The following ATXN7L1 variants were observed in gnomAD, a reference collection of about 807,000 sequenced individuals.
The protein encoded by ATXN7L1 is ataxin 7 like 1.
A neutral mutation model predicts 70.8 loss-of-function variants in ATXN7L1; 15 were observed. That is an observed-to-expected ratio of 0.21 (90% CI 0.14 to 0.33). ATXN7L1 has a LOEUF of 0.33. Ranked by LOEUF, ATXN7L1 falls within the 10% of genes least tolerant of loss-of-function variation. The probability of loss-of-function intolerance (pLI) is 1.00; values close to 1 mark genes in which losing one functional copy is unlikely to be tolerated. For synonymous variants in ATXN7L1, 440 were observed against 445.1 expected (o/e 0.99, Z 0.14); for missense variants, 975 against 1,097.1 (o/e 0.89, Z 1.57).
chr7:105,825,097 C>T (rs1035993117), intron 2 of ATXN7L1, among the ~76,000 whole-genome samples: 12 of 152,132 alleles, frequency 7.9e-5, no homozygotes, highest in African/African-American at 2.2e-4. Context: ...GAGGACAATA[C>T]GAAAATGTCT....
chr7:105,692,645 C>T (rs911877703), intron 3 of ATXN7L1, among the ~76,000 whole-genome samples: 4 of 152,038 alleles, frequency 2.6e-5, no homozygotes, highest in East Asian at 1.9e-4. Context: ...TGGAGTTTTG[C>T]CATGTTGGCC....
At chr7:105,782,724 A>G (rs1803713336) in intron 3 of ATXN7L1, among the ~76,000 whole-genome samples, 1 of 152,252 alleles carries the variant, frequency 6.6e-6, no homozygotes, top group South Asian at 2.1e-4. Context: ...GAGCTGCCAT[A>G]GGGGCCTAAT....
chr7:105,785,589 G>A (rs1238586260), intron 3 of ATXN7L1, among the ~76,000 whole-genome samples: 19 of 95,594 alleles, frequency 2.0e-4, no homozygotes, highest in Non-Finnish European at 5.8e-5. Flanking sequence ...GTGCTACAAG[G>A]AAAGAGAAAA....
chr7:105,724,335 A>T (rs918337515), intron 3 of ATXN7L1, among the ~76,000 whole-genome samples: 2 of 152,156 alleles, frequency 1.3e-5, no homozygotes, highest in Admixed American at 6.5e-5. Flanking sequence ...GCACTTTGGG[A>T]GGCCAAGGCA....
intron 3 of ATXN7L1, among the ~76,000 whole-genome samples, chr7:105,731,381 A>G (rs1279807463): frequency 6.6e-6 from 1 of 152,082 alleles, no homozygotes; most frequent in Non-Finnish European, 1.5e-5. Context: ...CTTAAAAAAT[A>G]AAGTCTCTTT....
chr7:105,839,876 T>C (rs1812946645), intron 2 of ATXN7L1, among the ~76,000 whole-genome samples: 1 of 152,144 alleles, frequency 6.6e-6, no homozygotes, highest in Non-Finnish European at 1.5e-5. Flanking sequence ...TAATACAATA[T>C]TATTATATGC....
intron 3 of ATXN7L1, among the ~76,000 whole-genome samples, chr7:105,685,795 C>A (rs1273874078): frequency 2.6e-5 from 4 of 152,196 alleles, no homozygotes; most frequent in African/African-American, 9.7e-5. Context: ...AGGCTTTAGG[C>A]TCTGACATTC....
rs1312557744 is a variant in ATXN7L1 at position 105,614,441 on chromosome 7, G to A, written c.1893C>T (p.Asp631=). 6.5e-7 allele frequency: 1 copy of A among 1,545,518 alleles called. No individual in the cohort carries two copies. Among genetic ancestry groups the A allele is most frequent in the Non-Finnish European group, 8.7e-7 (1 of 1,143,350 alleles). Residue 631 remains aspartate, a synonymous_variant, in exon 10 of 12, where the codon GAC becomes GAT. Transcript: ENST00000419735. This position sits in a 1 kb window ranked among gnomAD's most constrained non-coding sequence, Gnocchi z 4.3. ...TKTSKSSKVK[D]LSTRSDESPS... ...GAGACTCGTCGCTACGGGTGGACAG[G>A]TCTTTGACTTTTGAGGATTTGCTGG... is the stretch of plus-strand genomic sequence containing the variant.
At chr7:105,760,539 T>C in intron 3 of ATXN7L1, 1 of 985,880 alleles carries the variant, frequency 1.0e-6, no homozygotes, top group Non-Finnish European at 1.2e-6. Flanking sequence ...AATGTCACGC[T>C]CCAGCTATCA....
chr7:105,790,674 A>ATCTATCTATCTATCTAT (rs1554464837), intron 2 of ATXN7L1, among the ~76,000 whole-genome samples: 4 of 113,232 alleles, frequency 3.5e-5, no homozygotes, highest in African/African-American at 1.4e-4. Flanking sequence ...CTATCTATCT[A>ATCTATCTATCTATCTAT]CTATCTATCT....
intron 3 of ATXN7L1, among the ~76,000 whole-genome samples, chr7:105,708,255 G>A (rs571047764): frequency 5.9e-5 from 9 of 152,216 alleles, no homozygotes; most frequent in African/African-American, 1.9e-4. Context: ...CTAACCTCTC[G>A]GGCCTCAGTG....
At chr7:105,794,155 G>A (rs1563098709) in intron 2 of ATXN7L1, among the ~76,000 whole-genome samples, 1 of 152,120 alleles carries the variant, frequency 6.6e-6, no homozygotes, top group Non-Finnish European at 1.5e-5. Flanking sequence ...ACTGTTCAAT[G>A]GGTTACAACT....
intron 3 of ATXN7L1, among the ~76,000 whole-genome samples, chr7:105,685,331 AAAG>A (rs2116174153): frequency 6.6e-6 from 1 of 152,342 alleles, no homozygotes; most frequent in East Asian, 1.9e-4. Context: ...TGCAAACATA[AAAG>A]AATAGTATGC....
At chr7:105,700,280 C>T (rs1040116282) in intron 3 of ATXN7L1, among the ~76,000 whole-genome samples, 3 of 152,118 alleles carry the variant, frequency 2.0e-5, no homozygotes, top group African/African-American at 2.4e-5. Context: ...CCAAGGCAGG[C>T]GGATCACCTG....
chr7:105,731,586 C>A (rs1371444211), intron 3 of ATXN7L1, among the ~76,000 whole-genome samples: 1 of 151,426 alleles, frequency 6.6e-6, no homozygotes, highest in Non-Finnish European at 1.5e-5. Context: ...ATGCACCCAC[C>A]ACCACGCCCG....
chr7:105,859,782 CTTTT>C lies in ATXN7L1; in HGVS notation c.250+16026_250+16029del, dbSNP rs34111825. Among the ~76,000 whole-genome samples the C allele has an allele frequency of 1.2e-4, 11 of 94,118 alleles. No homozygotes were observed. In the South Asian group the frequency reaches 2.8e-3, roughly 24 times the overall value. 61.7% of individuals were successfully genotyped at this position (94,118 alleles called of 152,430 possible). Reference sequence around the variant, plus strand: ...ACTGTATATTTCTTTTTCTTTCTTTCTTTTTTTTTTTTTTTTTTGAGACAGAGTC... The same window carrying C: ...ACTGTATATTTCTTTTTCTTTCTTTCTTTTTTTTTTTTTTGAGACAGAGTC... On this transcript the variant is annotated intron_variant, in intron 2 of 11. Transcript: ENST00000419735.
chr7:105,682,548 G>C (rs998718229), intron 3 of ATXN7L1, among the ~76,000 whole-genome samples: 1 of 152,186 alleles, frequency 6.6e-6, no homozygotes, highest in Non-Finnish European at 1.5e-5. Context: ...CCATGGATGA[G>C]TGGATAAACA....
At chr7:105,619,165 T>TTTTTTTTTTTTTTTTTTA in intron 9 of ATXN7L1, among the ~76,000 whole-genome samples, 1 of 140,614 alleles carries the variant, frequency 7.1e-6, no homozygotes, top group African/African-American at 2.7e-5. Flanking sequence ...TTTTTTTTTT[T>TTTTTTTTTTTTTTTTTTA]GAGACGGAGT....
chr7:105,714,579 C>T (rs1165888142), intron 3 of ATXN7L1, among the ~76,000 whole-genome samples: 2 of 152,176 alleles, frequency 1.3e-5, no homozygotes, highest in Non-Finnish European at 2.9e-5. Flanking sequence ...ATGCCTGGGT[C>T]CCCTGAGGGA....
Sources: allele counts gnomAD v4.1 joint callset (sites outside exome capture counted in the v4.1 genomes callset), GRCh38; gene constraint gnomAD v4.1.1; non-coding constraint Gnocchi (gnomAD v3.1); transcripts MANE v1.5; gene names NCBI Gene and HGNC (gene_info 2026-07-23, HGNC 2026-07-21).